DENND11: variants seen among roughly 807,000 people sequenced by gnomAD.
DENND11 encodes the protein DENN domain containing 11.
In DENND11, 34 loss-of-function variants were observed where a neutral mutation model predicts 49.2. That is an observed-to-expected ratio of 0.69 (90% CI 0.53 to 0.92). The LOEUF (loss-of-function observed/expected upper bound fraction) is 0.92, where lower values mean the gene tolerates loss of function less well. Among genes scored for constraint, DENND11 ranks in the 40% least tolerant of loss-of-function variants. The probability of loss-of-function intolerance (pLI) is 0.00; values close to 1 mark genes in which losing one functional copy is unlikely to be tolerated. For missense variants in DENND11, 475 were observed against 581.6 expected (o/e 0.82, Z 1.88); for synonymous variants, 238 against 230.3 (o/e 1.03, Z -0.30).
chr7:141,679,850 T>C lies in DENND11; in HGVS notation c.527+5628A>G, dbSNP rs143617107. On this transcript the variant is annotated intron_variant, in intron 3 of 8. Coordinates refer to ENST00000536163, the MANE Select transcript of DENND11 (RefSeq NM_001080392.2). ...TGCTTAACCTCACTTATAAGAAAAA[T>C]ACAAATTAAAACTATACTGATGTAC... Among the ~76,000 whole-genome samples, 11 of 151,264 alleles carry C rather than the reference T, an allele frequency of 7.3e-5. No homozygotes were observed. The East Asian group carries it at 2.1e-3, about 29-fold the overall frequency.
intron 1 of DENND11, among the ~76,000 whole-genome samples, chr7:141,692,796 G>T (rs1449778858): frequency 6.6e-6 from 1 of 152,050 alleles, no homozygotes. Context: ...AAGGAGCTGT[G>T]CTCACTCCAC....
chr7:141,670,056 C>T (rs1290574475), intron 4 of DENND11, among the ~76,000 whole-genome samples: 4 of 150,014 alleles, frequency 2.7e-5, no homozygotes, highest in Non-Finnish European at 5.9e-5. Flanking sequence ...GTGATCCGCC[C>T]GCCTCGGCCT....
chr7:141,666,070 A>G (rs1489914672), intron 5 of DENND11, among the ~76,000 whole-genome samples: 1 of 150,778 alleles, frequency 6.6e-6, no homozygotes, highest in Non-Finnish European at 1.5e-5. Flanking sequence ...TCTCTGCTTT[A>G]ATCCAGCCCT....
chr7:141,669,698 A>T (rs1405193922), intron 4 of DENND11, among the ~76,000 whole-genome samples: 4 of 151,984 alleles, frequency 2.6e-5, no homozygotes, highest in Non-Finnish European at 5.9e-5. Context: ...GTATTGTATC[A>T]TATATACTAT....
intron 3 of DENND11, 142 bp downstream of exon 3, chr7:141,685,334 ACC>A: frequency 9.9e-7 from 1 of 1,006,390 alleles, no homozygotes; most frequent in African/African-American, 1.6e-5. Flanking sequence ...AAAGGACACC[ACC>A]CGAGGCGTGA....
At chr7:141,691,617 G>C (rs1798327661) in intron 1 of DENND11, among the ~76,000 whole-genome samples, 1 of 152,204 alleles carries the variant, frequency 6.6e-6, no homozygotes, top group Non-Finnish European at 1.5e-5. Flanking sequence ...AGCCCATCTG[G>C]GTTGGGAAGA....
intron 8 of DENND11, 180 bp from the exon 9 acceptor site, chr7:141,663,031 T>G (rs1322861416): frequency 2.1e-6 from 1 of 478,180 alleles, no homozygotes; most frequent in Non-Finnish European, 3.6e-6. Context: ...CTACTAAGGT[T>G]AGCAAAGAAA....
At chr7:141,674,262 G>C in intron 3 of DENND11, 42 bp from the exon 4 acceptor site, 1 of 1,497,040 alleles carries the variant, frequency 6.7e-7, no homozygotes, top group African/African-American at 1.5e-5. Context: ...CACACACAGT[G>C]AGAACAGCCC....
intron 1 of DENND11, among the ~76,000 whole-genome samples, chr7:141,687,953 G>A (rs958779963): frequency 1.3e-5 from 2 of 151,680 alleles, no homozygotes; most frequent in African/African-American, 4.8e-5. Flanking sequence ...TATTTTTTTT[G>A]TATTTTTAGT....
intron 5 of DENND11, 42 bp from the exon 6 acceptor site, chr7:141,665,360 C>T (rs1211340501): frequency 1.2e-6 from 2 of 1,611,086 alleles, no homozygotes; most frequent in South Asian, 1.1e-5. Context: ...TCTGCCCCTC[C>T]ACAGCCCTTC....
chr7:141,666,339 T>C lies in DENND11; in HGVS notation c.768A>G (p.Arg256=), dbSNP rs370950940. 2 of 1,613,448 alleles carry C rather than the reference T, an allele frequency of 1.2e-6. No individual in the cohort carries two copies. Among genetic ancestry groups the C allele is most frequent in the Non-Finnish European group, 8.5e-7 (1 of 1,179,592 alleles). ...GGGGAGAAAATATCAAAATGCGCTT[T>C]CGAAGTAAGGCAAATTTCCAGAGGA... ...ILILWKFALL[R]KRILIFSPPP... is the part of the protein sequence containing the mutation. Residue 256 remains arginine (R), a synonymous_variant, in exon 5 of 9, where the codon CGA becomes CGG. Coordinates refer to ENST00000536163, the MANE Select transcript of DENND11 (RefSeq NM_001080392.2).
chr7:141,664,170 A>G lies in DENND11; in HGVS notation c.1172+2T>C. On this transcript the variant is annotated splice_donor_variant, in intron 8 of 8. Transcript: ENST00000536163. LOFTEE classifies it high-confidence loss of function. ...CTCCACATCCACGGCCCCAGGACTC[A>G]CAGCACGAAGAGGTCCTCTTCACAA... The G allele has an allele frequency of 6.3e-7, 1 of 1,575,284 alleles. No homozygotes were observed. The highest frequency in any genetic ancestry group is 8.6e-7 in the Non-Finnish European group (1 of 1,158,484).
intron 1 of DENND11, among the ~76,000 whole-genome samples, chr7:141,695,012 C>T (rs1798390073): frequency 6.6e-6 from 1 of 152,144 alleles, no homozygotes; most frequent in African/African-American, 2.4e-5. Flanking sequence ...GGTACAGTTC[C>T]ACATTTACTA....
intron 3 of DENND11, among the ~76,000 whole-genome samples, chr7:141,677,402 A>AATAT (rs1212482936): frequency 8.0e-4 from 61 of 75,886 alleles, no homozygotes; most frequent in Non-Finnish European, 9.9e-4. Context: ...AAAAAAAAAA[A>AATAT]ATATATATAT....
At position 141,665,056 on chromosome 7, in the gene DENND11, T is replaced by C; in HGVS notation, c.953-2A>G. On this transcript the variant is annotated splice_acceptor_variant, in intron 6 of 8. Coordinates refer to ENST00000536163, the MANE Select transcript of DENND11 (RefSeq NM_001080392.2). LOFTEE classifies it high-confidence loss of function. The stretch of plus-strand genomic sequence containing the variant: ...CCTCGAATATCTTCTCTGTGGTGCC[T>C]GTGGAACCCGGGGTTAGAGAGGTGG... 1 of 1,613,322 alleles carries C rather than the reference T, an allele frequency of 6.2e-7. No homozygotes were observed. The highest frequency in any genetic ancestry group is 1.3e-5 in the African/African-American group (1 of 74,982).
intron 1 of DENND11, among the ~76,000 whole-genome samples, chr7:141,688,610 G>A (rs1798280311): frequency 1.3e-5 from 2 of 152,200 alleles, no homozygotes; most frequent in Middle Eastern, 3.2e-3. Flanking sequence ...AAAGAGGGGT[G>A]ACCTTGGGGA....
chr7:141,685,449 C>T, intron 3 of DENND11, 29 bp downstream of exon 3: 1 of 1,610,552 alleles, frequency 6.2e-7, no homozygotes, highest in Non-Finnish European at 8.5e-7. Context: ...ATCCTGCTGC[C>T]TCCCTGCACA....
intron 1 of DENND11, among the ~76,000 whole-genome samples, chr7:141,694,603 C>T (rs1278165651): frequency 6.6e-6 from 1 of 152,160 alleles, no homozygotes; most frequent in Non-Finnish European, 1.5e-5. Flanking sequence ...GCCATGACAT[C>T]CACAACTTAC....
chr7:141,693,133 A>C (rs1465180227), intron 1 of DENND11, among the ~76,000 whole-genome samples: 2 of 152,260 alleles, frequency 1.3e-5, no homozygotes, highest in Non-Finnish European at 2.9e-5. Flanking sequence ...ACTGTTATCT[A>C]AAATATACGA....
Sources: allele counts gnomAD v4.1 joint callset (sites outside exome capture counted in the v4.1 genomes callset), GRCh38; gene constraint gnomAD v4.1.1; transcripts MANE v1.5; gene names NCBI Gene and HGNC (gene_info 2026-07-23, HGNC 2026-07-21).